Variants in CHIC1 observed in about 807,000 individuals in gnomAD.
The protein encoded by CHIC1 is cysteine rich hydrophobic domain 1.
A neutral mutation model predicts 18.5 loss-of-function variants in CHIC1; 7 were observed. That is an observed-to-expected ratio of 0.38 (90% CI 0.22 to 0.71). The LOEUF (loss-of-function observed/expected upper bound fraction) is 0.71. CHIC1 is among the 30% of genes least tolerant of loss of function. The pLI is 0.49. For synonymous variants in CHIC1, 77 were observed against 73.5 expected, an observed-to-expected ratio of 1.05 and a Z score of -0.25; for missense variants, 159 against 176.9, an observed-to-expected ratio of 0.90 and a Z score of 0.57.
chrX:73,613,429 C>G, intron 3 of CHIC1, among the ~76,000 whole-genome samples: 1 of 110,576 alleles, frequency 9.0e-6, no homozygotes, highest in Middle Eastern at 4.6e-3. Context: ...CTGGTACCTC[C>G]CTTTCCACTC....
At chrX:73,600,025 G>T (rs2057635550) in intron 3 of CHIC1, among the ~76,000 whole-genome samples, 1 of 101,599 alleles carries the variant, frequency 9.8e-6, no homozygotes, top group African/African-American at 4.2e-5. Context: ...GTGGTTTGTA[G>T]TTCTCCTTGA....
chrX:73,575,311 G>T (rs1313533753), intron 1 of CHIC1, among the ~76,000 whole-genome samples: 1 of 109,565 alleles, frequency 9.1e-6, no homozygotes, highest in Non-Finnish European at 1.9e-5. Flanking sequence ...TTAAAATGGG[G>T]TTGACAATAC....
rs758524308 is a variant in CHIC1, at chrX:73,642,126, A to G, written c.508-37200A>G. Among the ~76,000 whole-genome samples the G allele has an allele frequency of 8.1e-5, 9 of 111,779 alleles. No individual in the cohort carries two copies. The East Asian group carries it at 1.7e-3, about 21-fold the overall frequency. On this transcript the variant is annotated intron_variant, in intron 3 of 5. Transcript: ENST00000373502. ...TCCACAAGGATCGAACTAGTTTACA[A>G]TCCCACCAACAGTGTAAAAGTGTTC...
At chrX:73,566,987 T>A (rs1431414846) in intron 1 of CHIC1, among the ~76,000 whole-genome samples, 1 of 111,621 alleles carries the variant, frequency 9.0e-6, no homozygotes, top group East Asian at 2.8e-4. Context: ...AGAAAAAACA[T>A]TTTGCCAGCC....
At chrX:73,638,823 T>A (rs772084965) in intron 3 of CHIC1, among the ~76,000 whole-genome samples, 1 of 111,817 alleles carries the variant, frequency 8.9e-6, no homozygotes, top group Non-Finnish European at 1.9e-5. Flanking sequence ...GATAATGTCC[T>A]CCAGCTTCAT....
In CHIC1 at chrX:73,575,893, T is replaced by A. The variant is rs779867757; in HGVS notation, c.297-1514T>A. 1.2e-4 allele frequency among the ~76,000 whole-genome samples: 13 copies of A among 111,011 alleles called. No homozygotes were observed. The East Asian group carries it at 3.7e-3, about 31-fold the overall frequency. ...TTTTAGAAACTCATCGACTCTTTTG[T>A]AATAATACTTAGCTTAAAACACAAA... On this transcript the variant is annotated intron_variant, in intron 1 of 5. Transcript: ENST00000373502.
chrX:73,661,529 T>C (rs1275003063), intron 3 of CHIC1, among the ~76,000 whole-genome samples: 1 of 111,879 alleles, frequency 8.9e-6, no homozygotes, highest in African/African-American at 3.2e-5. Context: ...ATGTCATAAC[T>C]TGTAAGTCTG....
chrX:73,625,675 A>G (rs67895651), intron 3 of CHIC1, among the ~76,000 whole-genome samples: 5,278 of 111,104 alleles, frequency 0.048, 323 homozygotes, highest in African/African-American at 0.16. Flanking sequence ...TTAACATCCC[A>G]TAGTGTCAAA....
At chrX:73,641,888 T>A (rs2057858695) in intron 3 of CHIC1, among the ~76,000 whole-genome samples, 1 of 112,010 alleles carries the variant, frequency 8.9e-6, no homozygotes, top group Admixed American at 9.5e-5. Context: ...ATGGTGTATA[T>A]GTGCCACATT....
chrX:73,652,623 GA>G (rs935245584), intron 3 of CHIC1, among the ~76,000 whole-genome samples: 1 of 112,093 alleles, frequency 8.9e-6, no homozygotes, highest in Admixed American at 9.4e-5. Flanking sequence ...CAAACATATG[GA>G]AAAAAAGCTC....
intron 3 of CHIC1, among the ~76,000 whole-genome samples, chrX:73,620,147 A>G (rs1603344335): frequency 8.9e-6 from 1 of 112,111 alleles, no homozygotes. Context: ...GCTATTGTGA[A>G]CAGTGCTGCA....
At chrX:73,600,566 GT>G (rs1216114585) in intron 3 of CHIC1, among the ~76,000 whole-genome samples, 1 of 108,076 alleles carries the variant, frequency 9.3e-6, no homozygotes, top group East Asian at 2.8e-4. Flanking sequence ...TTTGTCAAAG[GT>G]TTTTTCTGCA....
chrX:73,612,079 A>C (rs1184688632), intron 3 of CHIC1, among the ~76,000 whole-genome samples: 5 of 109,716 alleles, frequency 4.6e-5, no homozygotes, highest in Non-Finnish European at 9.5e-5. Flanking sequence ...GGTGTTTTAG[A>C]CATGAAGTCC....
chrX:73,648,172 C>T (rs1435192929), intron 3 of CHIC1, among the ~76,000 whole-genome samples: 1 of 111,247 alleles, frequency 9.0e-6, no homozygotes, highest in Non-Finnish European at 1.9e-5. Flanking sequence ...GTATCAACCA[C>T]AAAAAAAGTA....
intron 3 of CHIC1, among the ~76,000 whole-genome samples, chrX:73,649,815 G>C (rs1354293698): frequency 8.9e-6 from 1 of 111,858 alleles, no homozygotes; most frequent in East Asian, 2.8e-4. Context: ...TTCAGGACTT[G>C]AACTCTGCTC....
chrX:73,584,593 A>T, intron 3 of CHIC1, 21 bp downstream of exon 3: 1 of 994,866 alleles, frequency 1.0e-6, no homozygotes, highest in African/African-American at 1.9e-5. Flanking sequence ...GTTTTATTGT[A>T]TAATAATAAT....
intron 3 of CHIC1, among the ~76,000 whole-genome samples, chrX:73,673,339 A>C (rs1300980376): frequency 8.9e-6 from 1 of 111,801 alleles, no homozygotes; most frequent in Admixed American, 9.5e-5. Flanking sequence ...TACCTTGGGC[A>C]GTATGGCCAT....
chrX:73,583,889 G>GT (rs1187259538), intron 2 of CHIC1, among the ~76,000 whole-genome samples: 1 of 111,689 alleles, frequency 9.0e-6, no homozygotes, highest in African/African-American at 3.2e-5. Flanking sequence ...TTTTGTTAGT[G>GT]TAACTAACAG....
chrX:73,583,430 T>C (rs1004458469), intron 2 of CHIC1, among the ~76,000 whole-genome samples: 1 of 111,236 alleles, frequency 9.0e-6, no homozygotes, highest in Non-Finnish European at 1.9e-5. Context: ...ATATTTTTGA[T>C]TCCTAACCTG....
Sources: gnomAD v4.1 joint callset for allele counts (sites outside exome capture counted in the v4.1 genomes callset) on GRCh38, gnomAD v4.1.1 for gene constraint, MANE v1.5 for transcripts, NCBI Gene and HGNC (gene_info 2026-07-23, HGNC 2026-07-21) for gene names.